Variants in SHISA9 observed in about 807,000 individuals in gnomAD.
SHISA9 encodes the protein shisa family member 9.
A neutral mutation model predicts 38.0 loss-of-function variants in SHISA9; 13 were observed. That is an observed-to-expected ratio of 0.34 (90% CI 0.22 to 0.54). The LOEUF (loss-of-function observed/expected upper bound fraction) is 0.54, where lower values mean the gene tolerates loss of function less well. Ranked by LOEUF, SHISA9 falls within the 20% of genes least tolerant of loss-of-function variation. The probability of loss-of-function intolerance (pLI) is 0.91; values close to 1 mark genes in which losing one functional copy is unlikely to be tolerated. For synonymous variants in SHISA9, 275 were observed against 242.0 expected (o/e 1.14, Z -1.27); for missense variants, 538 against 575.8 (o/e 0.93, Z 0.67).
chr16:13,480,765 G>C, the SHISA9 span, among the ~76,000 whole-genome samples: 3 of 152,128 alleles, frequency 2.0e-5, no homozygotes, highest in African/African-American at 7.2e-5. Context: ...CAAGAGTAGA[G>C]CTCCTAAAAC....
At chr16:13,417,203 G>T in the SHISA9 span, among the ~76,000 whole-genome samples, 1 of 152,176 alleles carries the variant, frequency 6.6e-6, no homozygotes, top group Non-Finnish European at 1.5e-5. Context: ...ATCAGCACGG[G>T]ATTCATGATG....
At chr16:12,978,470 T>C (rs1257802502) in intron 2 of SHISA9, among the ~76,000 whole-genome samples, 1 of 152,230 alleles carries the variant, frequency 6.6e-6, no homozygotes, top group Non-Finnish European at 1.5e-5. Flanking sequence ...TGGTAAATAA[T>C]TTGAAATATT....
At chr16:13,075,092 T>C (rs1409712597) in intron 2 of SHISA9, among the ~76,000 whole-genome samples, 1 of 152,194 alleles carries the variant, frequency 6.6e-6, no homozygotes, top group Non-Finnish European at 1.5e-5. Flanking sequence ...CCATAAGTGC[T>C]CCCAGCACAC....
At chr16:13,513,911 G>C in the SHISA9 span, among the ~76,000 whole-genome samples, 1 of 152,198 alleles carries the variant, frequency 6.6e-6, no homozygotes, top group African/African-American at 2.4e-5. Flanking sequence ...GGGTTGATAA[G>C]TGCAGCAAAC....
the SHISA9 span, among the ~76,000 whole-genome samples, chr16:13,380,355 A>T: frequency 2.0e-5 from 3 of 152,214 alleles, no homozygotes; most frequent in African/African-American, 7.2e-5. Flanking sequence ...GGGGAAAGAG[A>T]AAATGTTTCA....
the SHISA9 span, among the ~76,000 whole-genome samples, chr16:13,395,189 G>A: frequency 2.0e-5 from 3 of 152,154 alleles, no homozygotes; most frequent in Non-Finnish European, 4.4e-5. Context: ...CACCTTCGAG[G>A]AGCTGAGTCC....
At chr16:12,965,669 T>C (rs180687903) in intron 2 of SHISA9, among the ~76,000 whole-genome samples, 2,057 of 152,286 alleles carry the variant, frequency 0.014, 48 homozygotes, top group African/African-American at 0.047. Flanking sequence ...TGGGGTTTAC[T>C]CCCCCTCCCA....
the SHISA9 span, among the ~76,000 whole-genome samples, chr16:13,329,046 G>A: frequency 3.3e-5 from 5 of 152,066 alleles, no homozygotes; most frequent in African/African-American, 1.2e-4. Context: ...TAAAAATGGC[G>A]CCTCCATCTT....
chr16:13,022,716 C>T (rs565254648), intron 2 of SHISA9, among the ~76,000 whole-genome samples: 1 of 152,186 alleles, frequency 6.6e-6, no homozygotes, highest in Non-Finnish European at 1.5e-5. Flanking sequence ...ATCATCCTGC[C>T]TAGGTGTCCC....
intron 2 of SHISA9, among the ~76,000 whole-genome samples, chr16:13,192,097 A>G (rs188276519): frequency 6.6e-6 from 1 of 152,276 alleles, no homozygotes; most frequent in Admixed American, 6.5e-5. Flanking sequence ...GCTGGAGGCC[A>G]TTTTTCTAAG....
intron 4 of SHISA9, among the ~76,000 whole-genome samples, chr16:13,216,229 T>C (rs1006731652): frequency 2.7e-5 from 4 of 148,456 alleles, no homozygotes; most frequent in African/African-American, 9.9e-5. Context: ...TTGGATATGA[T>C]GGGCTTAGAC....
chr16:13,140,254 G>A (rs1296177652), intron 2 of SHISA9, among the ~76,000 whole-genome samples: 1 of 149,518 alleles, frequency 6.7e-6, no homozygotes, highest in Non-Finnish European at 1.5e-5. Flanking sequence ...TCTGTTCACT[G>A]TAACCTCCAC....
At chr16:13,012,263 A>T (rs1321951486) in intron 2 of SHISA9, among the ~76,000 whole-genome samples, 1 of 152,142 alleles carries the variant, frequency 6.6e-6, no homozygotes, top group African/African-American at 2.4e-5. Flanking sequence ...ATAGAGAGTG[A>T]CCCTGGGGTG....
chr16:12,988,530 T>C (rs1205906270), intron 2 of SHISA9, among the ~76,000 whole-genome samples: 3 of 152,202 alleles, frequency 2.0e-5, no homozygotes, highest in Non-Finnish European at 2.9e-5. Context: ...GTTGTTTGTT[T>C]TGTTTTGTTT....
chr16:13,260,007 CTTTTTTT>C, the SHISA9 span, among the ~76,000 whole-genome samples: 33 of 60,446 alleles, frequency 5.5e-4, no homozygotes, highest in South Asian at 1.5e-3. Flanking sequence ...TTCTTTCTTT[CTTTTTTT>C]TTTTTTTTTT....
chr16:13,187,291 C>G (rs2050833949), intron 2 of SHISA9, among the ~76,000 whole-genome samples: 1 of 151,270 alleles, frequency 6.6e-6, no homozygotes, highest in African/African-American at 2.4e-5. Context: ...AGGATTGGCA[C>G]CTTGAGGGAC....
chr16:13,170,883 C>T (rs961314904), intron 2 of SHISA9, among the ~76,000 whole-genome samples: 1 of 152,214 alleles, frequency 6.6e-6, no homozygotes, highest in African/African-American at 2.4e-5. Context: ...TCTCCAACTC[C>T]TGACCTCAGG....
chr16:12,959,956 T>C (rs1292326014), intron 2 of SHISA9, among the ~76,000 whole-genome samples: 1 of 152,256 alleles, frequency 6.6e-6, no homozygotes, highest in South Asian at 2.1e-4. Context: ...TAAAATTAGA[T>C]GTTAAAGTGC....
rs374752294 is a variant in SHISA9, at chr16:12,907,032, C to T, written c.563+4405C>T. The stretch of plus-strand genomic sequence containing the variant: ...ATTTTTTTCTTTCCCTTCTCCTTCC[C>T]TCCATCCCCCTTCCCCCTTCCCTCC... On this transcript the variant is annotated intron_variant, in intron 1 of 4. Transcript: ENST00000558583. Among the ~76,000 whole-genome samples, 3 of 133,118 alleles carry T rather than the reference C, an allele frequency of 2.3e-5. No homozygotes were observed. The East Asian group carries it at 6.5e-4, about 29-fold the overall frequency. The allele number at this position is 133,118 out of a possible 152,430, so 87.3% of individuals were successfully genotyped here.
Sources: allele counts gnomAD v4.1 joint callset (sites outside exome capture counted in the v4.1 genomes callset), GRCh38; gene constraint gnomAD v4.1.1; transcripts MANE v1.5; gene names NCBI Gene and HGNC (gene_info 2026-07-23, HGNC 2026-07-21).